Variants in MAML3 observed in about 807,000 individuals in gnomAD.
MAML3 encodes mastermind-like protein 3.
In MAML3, 27 loss-of-function variants were observed where a neutral mutation model predicts 101.9. The ratio of observed to expected loss-of-function variants is 0.27; its 90% CI spans 0.20 to 0.37. MAML3 has a LOEUF of 0.37. Ranked by LOEUF, MAML3 falls within the 10% of genes least tolerant of loss-of-function variation. MAML3 has a pLI of 1.00. For missense variants in MAML3, 1,316 were observed against 1,444.9 expected (o/e 0.91, Z 1.45); for synonymous variants, 501 against 555.9 (o/e 0.90, Z 1.39).
intron 1 of MAML3, among the ~76,000 whole-genome samples, chr4:140,080,466 T>C (rs1727844732): frequency 6.6e-6 from 1 of 152,250 alleles, no homozygotes; most frequent in Non-Finnish European, 1.5e-5. Flanking sequence ...CAGCAATCTG[T>C]AATTAAAGGA....
chr4:139,828,097 A>G (rs969097596), intron 2 of MAML3, among the ~76,000 whole-genome samples: 3 of 152,268 alleles, frequency 2.0e-5, no homozygotes, highest in African/African-American at 7.2e-5. Flanking sequence ...ATAGGCACCT[A>G]TAATTAGTCC....
intron 1 of MAML3, among the ~76,000 whole-genome samples, chr4:140,052,320 A>G (rs1373241805): frequency 6.6e-6 from 1 of 152,150 alleles, no homozygotes; most frequent in East Asian, 1.9e-4. Flanking sequence ...AGCCAGCTAC[A>G]TAACCAATTA....
At chr4:139,993,914 T>G (rs1036974976) in intron 1 of MAML3, among the ~76,000 whole-genome samples, 1 of 152,252 alleles carries the variant, frequency 6.6e-6, no homozygotes, top group African/African-American at 2.4e-5. Flanking sequence ...TATCTAAGAA[T>G]TCTTTGCCAA....
At chr4:139,901,499 T>G (rs901205620) in intron 1 of MAML3, among the ~76,000 whole-genome samples, 1 of 152,260 alleles carries the variant, frequency 6.6e-6, no homozygotes, top group African/African-American at 2.4e-5. Flanking sequence ...GAATACATTT[T>G]CTATTCAAAC....
chr4:139,904,103 A>G (rs1356384489), intron 1 of MAML3, among the ~76,000 whole-genome samples: 1 of 152,198 alleles, frequency 6.6e-6, no homozygotes, highest in Non-Finnish European at 1.5e-5. Flanking sequence ...GTTTCAACAC[A>G]TGAATTCTGG....
At chr4:139,786,763 A>C (rs1730310858) in intron 2 of MAML3, among the ~76,000 whole-genome samples, 1 of 152,200 alleles carries the variant, frequency 6.6e-6, no homozygotes, top group South Asian at 2.1e-4. Flanking sequence ...TGGGAAATGG[A>C]TAACCCGGGA....
Position 139,889,135 on chromosome 4 carries a change from T to C in MAML3, c.2079+222A>G, listed in dbSNP as rs755926296. 14 of 855,008 alleles carry C rather than the reference T, an allele frequency of 1.6e-5. 1 individual carries two copies. The East Asian group carries it at 2.5e-4, about 15-fold the overall frequency. The allele number at this position is 855,008 out of a possible 1,614,324, so 53.0% of individuals were successfully genotyped here. A position where few individuals can be genotyped will look rare whatever the true frequency, so the allele number is the denominator to read the frequency against. ...TTGGGAATAAAAGAAGTTTGATTCC[T>C]AGACACTGAAATACACGAAAGTTTA... is the stretch of plus-strand genomic sequence containing the variant. On this transcript the variant is annotated intron_variant, in intron 2 of 4. Transcript: ENST00000509479.
Position 139,878,951 on chromosome 4 carries a change from A to C in MAML3, c.2079+10406T>G, listed in dbSNP as rs143837096. ...TGGCACTATAAGACTGTGCCCTTAA[A>C]TCCTGAGACAGAAAAATGAATAACA... is the stretch of plus-strand genomic sequence containing the variant. On this transcript the variant is annotated intron_variant, in intron 2 of 4. Coordinates refer to ENST00000509479, the MANE Select transcript of MAML3 (RefSeq NM_018717.5). Among the ~76,000 whole-genome samples, 352 of 152,328 alleles carry C rather than the reference A, an allele frequency of 2.3e-3. 2 individuals are homozygous for C. The highest frequency in any genetic ancestry group is 8.1e-3 in the African/African-American group (335 of 41,574).
chr4:140,066,121 G>T (rs1285385962), intron 1 of MAML3, among the ~76,000 whole-genome samples: 1 of 152,200 alleles, frequency 6.6e-6, no homozygotes, highest in Non-Finnish European at 1.5e-5. Flanking sequence ...AAGTGAATCA[G>T]ACATATGAAA....
intron 1 of MAML3, among the ~76,000 whole-genome samples, chr4:139,932,418 G>A (rs10027044): frequency 0.61 from 93,209 of 151,982 alleles, 29,008 homozygotes; most frequent in East Asian, 0.92. Flanking sequence ...GTGTTGCTTC[G>A]TTAACAGGGA....
At chr4:139,805,338 C>T (rs946103345) in intron 2 of MAML3, among the ~76,000 whole-genome samples, 89 of 152,180 alleles carry the variant, frequency 5.8e-4, no homozygotes, top group African/African-American at 2.1e-3. Context: ...GAAATAATAC[C>T]TTAAAATGGG....
chr4:140,069,324 A>AAGAAGGAGAAGG lies in MAML3; in HGVS notation c.468+83524_468+83535dup, dbSNP rs758333245. Among the ~76,000 whole-genome samples the AAGAAGGAGAAGG allele has an allele frequency of 3.9e-4, 43 of 110,470 alleles. 2 individuals carry two copies. The highest frequency in any genetic ancestry group is 1.2e-3 in the African/African-American group (39 of 31,384). The allele number at this position is 110,470 out of a possible 152,430, so 72.5% of individuals were successfully genotyped here. On this transcript the variant is annotated intron_variant, in intron 1 of 4. Coordinates refer to ENST00000509479, the MANE Select transcript of MAML3 (RefSeq NM_018717.5). ...GTGACACAGCAAGACTCTGTCCAAG[A>AAGAAGGAGAAGG]AGAAGGAGAAGGAGAAGGAGAAGGA... is the stretch of plus-strand genomic sequence containing the variant.
chr4:139,792,563 A>G (rs769405508), intron 2 of MAML3, among the ~76,000 whole-genome samples: 2 of 152,192 alleles, frequency 1.3e-5, no homozygotes, highest in African/African-American at 4.8e-5. Context: ...AAAATGTTAT[A>G]TACTTGCTGC....
intron 1 of MAML3, among the ~76,000 whole-genome samples, chr4:140,026,638 A>G (rs186353026): frequency 3.2e-4 from 48 of 152,286 alleles, no homozygotes; most frequent in Admixed American, 8.5e-4. Context: ...AACAAATACT[A>G]TTTTCTAGCC....
chr4:139,807,084 C>T (rs1239645218), intron 2 of MAML3, among the ~76,000 whole-genome samples: 1 of 152,182 alleles, frequency 6.6e-6, no homozygotes, highest in Non-Finnish European at 1.5e-5. Flanking sequence ...AATATACGTT[C>T]AGTGGCAAAC....
At chr4:139,837,938 A>AT in intron 2 of MAML3, among the ~76,000 whole-genome samples, 1 of 147,636 alleles carries the variant, frequency 6.8e-6, no homozygotes, top group East Asian at 2.0e-4. Context: ...AAAAGAAAAA[A>AT]ATATATACAT....
At chr4:139,960,488 T>A (rs1358183903) in intron 1 of MAML3, among the ~76,000 whole-genome samples, 1 of 152,120 alleles carries the variant, frequency 6.6e-6, no homozygotes, top group Admixed American at 6.5e-5. Context: ...CAGAAAGAGA[T>A]GTTCTGAGCC....
chr4:140,068,470 C>T (rs1008125249), intron 1 of MAML3, among the ~76,000 whole-genome samples: 1 of 152,180 alleles, frequency 6.6e-6, no homozygotes, highest in Non-Finnish European at 1.5e-5. Flanking sequence ...TCTACCTAGG[C>T]ACTTTTCAGA....
intron 2 of MAML3, among the ~76,000 whole-genome samples, chr4:139,838,726 C>G (rs906942625): frequency 1.3e-5 from 2 of 152,150 alleles, no homozygotes; most frequent in Non-Finnish European, 2.9e-5. Flanking sequence ...GGACAAGATA[C>G]TGTTCTGCAT....
Sources: gnomAD v4.1 joint callset for allele counts (sites outside exome capture counted in the v4.1 genomes callset) on GRCh38, gnomAD v4.1.1 for gene constraint, MANE v1.5 for transcripts, NCBI Gene and HGNC (gene_info 2026-07-23, HGNC 2026-07-21) for gene names.